FRY: variants seen among roughly 807,000 people sequenced by gnomAD.
FRY encodes protein furry homolog.
FRY carries 128 observed loss-of-function variants against 348.4 expected under a neutral mutation model. The ratio of observed to expected loss-of-function variants is 0.37; its 90% confidence interval spans 0.32 to 0.43. The LOEUF is 0.43. FRY is among the 20% of genes least tolerant of loss of function. The pLI, the probability that FRY is intolerant of heterozygous loss-of-function variation, is 1.00. For missense variants in FRY, 2,736 were observed against 3,695.2 expected, an observed-to-expected ratio of 0.74 and a Z score of 6.73; for synonymous variants, 1,370 against 1,374.7, an observed-to-expected ratio of 1.00 and a Z score of 0.08.
At position 32,262,393 on chromosome 13, in the gene FRY, C is replaced by T. The variant is rs771509835; in HGVS notation, c.7697C>T (p.Pro2566Leu). The part of the protein sequence containing the change: ...TTACDSTPAE[P>L]HSFNTRMSSF... Reference sequence around the variant, plus strand: ...GCCTGTGACTCGACCCCTGCAGAACCTCATTCCTTTAACACCAGAATGTCC... The same window carrying T: ...GCCTGTGACTCGACCCCTGCAGAACTTCATTCCTTTAACACCAGAATGTCC... The change falls in exon 53 of 61, where the codon CCT becomes CTT. Residue 2566 changes from proline to leucine, a missense_variant. This residue lies in a region of FRY where 789 missense variants were observed against 996.2 expected (regional missense o/e 0.79). Transcript: ENST00000542859. 27 of 1,613,490 alleles carry T rather than the reference C, an allele frequency of 1.7e-5. No individual in the cohort carries two copies. The South Asian group carries it at 2.5e-4, about 15-fold the overall frequency.
intron 40 of FRY, among the ~76,000 whole-genome samples, chr13:32,230,217 T>C (rs1210826278): frequency 6.6e-6 from 1 of 152,184 alleles, no homozygotes; most frequent in Non-Finnish European, 1.5e-5. Flanking sequence ...CCTCTCTCTC[T>C]TCTACCCTCC....
intron 41 of FRY, among the ~76,000 whole-genome samples, chr13:32,231,982 A>C (rs1885942246): frequency 6.6e-6 from 1 of 152,230 alleles, no homozygotes; most frequent in Non-Finnish European, 1.5e-5. Context: ...CACATTTCCC[A>C]GTTTGAAACA....
chr13:32,227,031 C>T (rs142086920), intron 39 of FRY, among the ~76,000 whole-genome samples: 1,533 of 152,268 alleles, frequency 0.01, 14 homozygotes, highest in Non-Finnish European at 0.016. Context: ...AAATGTTAGG[C>T]AGAGAAAACT....
intron 2 of FRY, among the ~76,000 whole-genome samples, chr13:32,088,953 C>G (rs368041712): frequency 1.1e-4 from 17 of 152,164 alleles, no homozygotes; most frequent in African/African-American, 4.1e-4. Context: ...TTAATACAAA[C>G]AAAAGATCAT....
Position 32,237,667 on chromosome 13 carries a change from C to T in FRY, c.6099C>T (p.His2033=), listed in dbSNP as rs376399624. The T allele has an allele frequency of 6.2e-6, 10 of 1,614,160 alleles. No homozygotes were observed. In the African/African-American group the frequency reaches 1.3e-4, roughly 22 times the overall value. The change falls in exon 44 of 61, where the codon CAC becomes CAT. Residue 2033 remains histidine, a synonymous_variant. Transcript: ENST00000542859. This position sits in a 1 kb window ranked among gnomAD's most constrained non-coding sequence, Gnocchi z 6.3. The part of the protein sequence containing the change: ...SLKDSLTDPS[H]INHPTNLLAT... ...AGGACAGTCTCACGGACCCATCCCA[C>T]ATAAACCATCCCACCAACCTGCTGG...
chr13:32,293,947 T>G (rs1434082244), intron 59 of FRY, among the ~76,000 whole-genome samples: 2 of 152,210 alleles, frequency 1.3e-5, no homozygotes, highest in Non-Finnish European at 2.9e-5. Flanking sequence ...GGCTATTATC[T>G]TCAGTCTCAC....
chr13:32,088,704 G>A (rs1424123944), intron 2 of FRY, among the ~76,000 whole-genome samples: 1 of 152,122 alleles, frequency 6.6e-6, no homozygotes, highest in Non-Finnish European at 1.5e-5. Context: ...AATAAATGAT[G>A]TGAAAATATC....
At chr13:32,149,017 A>G (rs1416177681) in intron 13 of FRY, among the ~76,000 whole-genome samples, 8 of 149,740 alleles carry the variant, frequency 5.3e-5, no homozygotes, top group Non-Finnish European at 1.2e-4. Flanking sequence ...TTATTTATAT[A>G]TATAAATAAA....
chr13:32,234,440 A>G (rs1229128185), intron 41 of FRY, 134 bp from the exon 42 acceptor site: 7 of 799,568 alleles, frequency 8.8e-6, no homozygotes, highest in Non-Finnish European at 1.1e-5. Flanking sequence ...GAAAAAAAAA[A>G]TGGTTGACTT....
At chr13:32,116,172 T>C (rs1878290260) in intron 3 of FRY, among the ~76,000 whole-genome samples, 3 of 151,098 alleles carry the variant, frequency 2.0e-5, no homozygotes, top group Non-Finnish European at 4.4e-5. Context: ...AAGAGTGGCC[T>C]TCTTGGGAAT....
intron 33 of FRY, 36 bp downstream of exon 33, chr13:32,209,767 C>T: frequency 6.2e-7 from 1 of 1,603,470 alleles, no homozygotes; most frequent in South Asian, 1.1e-5. Context: ...GTGATTATTC[C>T]TGCAGGGACT....
chr13:32,230,457 T>C (rs1885847578), intron 40 of FRY, among the ~76,000 whole-genome samples: 1 of 152,226 alleles, frequency 6.6e-6, no homozygotes, highest in South Asian at 2.1e-4. Flanking sequence ...GCTAAGGTGA[T>C]AGCCTCTAGC....
intron 10 of FRY, among the ~76,000 whole-genome samples, chr13:32,136,033 T>C (rs1358606138): frequency 6.9e-6 from 1 of 145,710 alleles, no homozygotes; most frequent in Admixed American, 6.8e-5. Flanking sequence ...TAAAACTAAG[T>C]TAATTTAAAA....
At chr13:32,114,745 T>G (rs1878193411) in intron 3 of FRY, among the ~76,000 whole-genome samples, 1 of 152,234 alleles carries the variant, frequency 6.6e-6, no homozygotes, top group Admixed American at 6.5e-5. Flanking sequence ...ATTTCTCAAT[T>G]CAAAACATTT....
intron 3 of FRY, among the ~76,000 whole-genome samples, chr13:32,111,130 G>A (rs968752335): frequency 6.6e-6 from 1 of 152,184 alleles, no homozygotes; most frequent in Non-Finnish European, 1.5e-5. Context: ...AATTGTCCCT[G>A]CTGATTTTTC....
rs1315163208 is a variant in FRY, at chr13:32,267,152, C to T, written c.7947-18C>T. ...GAAGGACATCACTTCTTGACATAGT[C>T]GTTTTCATTTTTTCCAGCTTTGGAG... is the stretch of plus-strand genomic sequence containing the variant. On this transcript the variant is annotated intron_variant, in intron 54 of 60. Coordinates refer to ENST00000542859, the MANE Select transcript of FRY (RefSeq NM_023037.3). 1.9e-6 allele frequency: 3 copies of T among 1,607,788 alleles called. No individual in the cohort carries two copies. The highest frequency in any genetic ancestry group is 4.5e-5 in the East Asian group (2 of 44,858).
intron 41 of FRY, among the ~76,000 whole-genome samples, chr13:32,234,119 C>CAG (rs1886080634): frequency 1.3e-5 from 1 of 76,200 alleles, no homozygotes; most frequent in Admixed American, 1.5e-4. Context: ...ACCCTGTTTC[C>CAG]AAAAAAAAAA....
At chr13:32,197,415 A>C (rs762312029) in intron 29 of FRY, among the ~76,000 whole-genome samples, 1 of 152,198 alleles carries the variant, frequency 6.6e-6, no homozygotes, top group African/African-American at 2.4e-5. Context: ...ACTGATGATA[A>C]ATAGCCCTAT....
At chr13:32,164,984 G>A (rs1254748910) in intron 17 of FRY, among the ~76,000 whole-genome samples, 1 of 152,132 alleles carries the variant, frequency 6.6e-6, no homozygotes, top group Non-Finnish European at 1.5e-5. Context: ...GCAAATGTTA[G>A]TTTATTATTT....
Sources: allele counts gnomAD v4.1 joint callset (sites outside exome capture counted in the v4.1 genomes callset), GRCh38; gene constraint gnomAD v4.1.1; regional missense constraint gnomAD v4.1.1; non-coding constraint Gnocchi (gnomAD v3.1); transcripts MANE v1.5; gene names NCBI Gene and HGNC (gene_info 2026-07-23, HGNC 2026-07-21).